CACNA1C: variants seen among roughly 807,000 people sequenced by gnomAD.
CACNA1C encodes the protein voltage-dependent L-type calcium channel subunit alpha-1C.
A neutral mutation model predicts 229.0 loss-of-function variants in CACNA1C; 30 were observed. That is an observed-to-expected ratio of 0.13 (90% confidence interval 0.10 to 0.18). The LOEUF is 0.18. CACNA1C is among the 10% of genes least tolerant of loss of function. The pLI is 1.00. For missense variants in CACNA1C, 1,658 were observed against 2,845.0 expected (o/e 0.58, Z 9.49); for synonymous variants, 1,114 against 1,132.5 (o/e 0.98, Z 0.33).
intron 26 of CACNA1C, 34 bp downstream of exon 26, chr12:2,607,164 A>T (rs774874388): frequency 6.3e-7 from 1 of 1,589,772 alleles, no homozygotes; most frequent in East Asian, 2.3e-5. Flanking sequence ...ACGAGCCCTG[A>T]CATTCAAGGG....
chr12:2,530,611 C>T (rs1383656928), intron 9 of CACNA1C, among the ~76,000 whole-genome samples: 2 of 152,194 alleles, frequency 1.3e-5, no homozygotes, highest in South Asian at 2.1e-4. Flanking sequence ...AGAACACAAT[C>T]TCTGGCAGGG....
At chr12:2,417,538 C>T (rs534246769) in intron 3 of CACNA1C, among the ~76,000 whole-genome samples, 1 of 152,258 alleles carries the variant, frequency 6.6e-6, no homozygotes, top group African/African-American at 2.4e-5. Context: ...TCTGGCCTGT[C>T]GGATCAAGGG....
intron 5 of CACNA1C, among the ~76,000 whole-genome samples, chr12:2,475,923 G>A (rs1200287552): frequency 2.6e-5 from 4 of 152,148 alleles, no homozygotes; most frequent in Non-Finnish European, 2.9e-5. Context: ...ATAGTTGCAT[G>A]GCTGTTTGTT....
chr12:2,153,800 A>G (rs1047122907), intron 3 of CACNA1C, among the ~76,000 whole-genome samples: 2 of 152,118 alleles, frequency 1.3e-5, no homozygotes, highest in Non-Finnish European at 1.5e-5. Context: ...TGCCTTGTCT[A>G]TTTGGAGCAC....
At chr12:2,505,053 G>A in intron 8 of CACNA1C, 108 bp downstream of exon 8, 1 of 684,158 alleles carries the variant, frequency 1.5e-6, no homozygotes, top group Admixed American at 2.3e-5. Flanking sequence ...CCTGGGATAA[G>A]GGGTCACCAC....
chr12:2,438,508 G>A (rs920911080), intron 3 of CACNA1C, among the ~76,000 whole-genome samples: 1 of 152,108 alleles, frequency 6.6e-6, no homozygotes, highest in African/African-American at 2.4e-5. Flanking sequence ...TGGAGGAGTA[G>A]GAGTTCTTGG....
At chr12:2,115,596 T>C (rs1392705563) in intron 2 of CACNA1C, 51 bp downstream of exon 2, 5 of 1,576,636 alleles carry the variant, frequency 3.2e-6, no homozygotes, top group Non-Finnish European at 4.3e-6. Flanking sequence ...GCACGCTGGG[T>C]CCAGCCCTCC....
At chr12:2,511,561 C>T (rs2099783932) in intron 8 of CACNA1C, among the ~76,000 whole-genome samples, 1 of 148,094 alleles carries the variant, frequency 6.8e-6, no homozygotes, top group African/African-American at 2.5e-5. Context: ...ACCAAGATGT[C>T]CTATGCATGT....
intron 1 of CACNA1C, 113 bp from the exon 2 acceptor site, chr12:2,115,111 C>A: frequency 1.2e-6 from 1 of 816,980 alleles, no homozygotes; most frequent in Non-Finnish European, 1.9e-6. Flanking sequence ...TAACCGCCTG[C>A]AATAGCTTGA....
intron 9 of CACNA1C, among the ~76,000 whole-genome samples, chr12:2,517,636 A>C (rs1199874125): frequency 6.6e-6 from 1 of 152,082 alleles, no homozygotes; most frequent in Non-Finnish European, 1.5e-5. Flanking sequence ...AGGTCTCCCC[A>C]CTCTAGTGAC....
rs564990323 is a variant in CACNA1C, at chr12:2,420,102, G to GGTGTGTGTGTGTGTGTGTGT, written c.478-28847_478-28828dup. On this transcript the variant is annotated intron_variant, in intron 3 of 46. Coordinates refer to ENST00000399655, the MANE Select transcript of CACNA1C (RefSeq NM_000719.7). Reference sequence around the variant, plus strand: ...CAGGGTAATCAGACTTAGGCAAAATGGTGTGTGTGTGTGTGTGTGTGTGTG... The same window carrying GGTGTGTGTGTGTGTGTGTGT: ...CAGGGTAATCAGACTTAGGCAAAATGGTGTGTGTGTGTGTGTGTGTGTGTGTGTGTGTGTGTGTGTGTGTG... Among the ~76,000 whole-genome samples the GGTGTGTGTGTGTGTGTGTGT allele has an allele frequency of 8.9e-3, 1,121 of 125,454 alleles. 46 individuals are homozygous for GGTGTGTGTGTGTGTGTGTGT. Among genetic ancestry groups the GGTGTGTGTGTGTGTGTGTGT allele is most frequent in the African/African-American group, 0.025 (711 of 28,570 alleles). The allele number at this position is 125,454 out of a possible 152,430, so 82.3% of individuals were successfully genotyped here.
chr12:2,071,533 CT>C, intron 1 of CACNA1C, among the ~76,000 whole-genome samples: 1 of 152,146 alleles, frequency 6.6e-6, no homozygotes, highest in African/African-American at 2.4e-5. Context: ...GCCTCACGAT[CT>C]TTTCAAATAT....
Position 2,317,539 on chromosome 12 carries a change from T to C in CACNA1C, c.478-131437T>C, listed in dbSNP as rs185852798. On this transcript the variant is annotated intron_variant, in intron 3 of 46. Transcript: ENST00000399655. ...ATTGAAGGAGTACAGAGTTTCAGTT[T>C]TGCAAGATGAAAAGCCTTCTGGAGA... Among the ~76,000 whole-genome samples, 55 of 152,298 alleles carry C rather than the reference T, an allele frequency of 3.6e-4. 2 individuals are homozygous for C. The highest frequency in any genetic ancestry group is 3.1e-3 in the Admixed American group (47 of 15,302).
chr12:2,486,455 A>G lies in CACNA1C; in HGVS notation c.916+193A>G, dbSNP rs1006251201. 6.6e-6 allele frequency among the ~76,000 whole-genome samples: 1 copy of G among 152,058 alleles called. No individual in the cohort carries two copies. Among genetic ancestry groups the G allele is most frequent in the African/African-American group, 2.4e-5 (1 of 41,394 alleles). ...TTTCTCAGTTCCAATTTTTGTTTTA[A>G]TCTCTGTTAAACCGGCCTAACGCAA... On this transcript the variant is annotated intron_variant, in intron 6 of 46. Coordinates refer to ENST00000399655, the MANE Select transcript of CACNA1C (RefSeq NM_000719.7). This position sits in a 1 kb window ranked among gnomAD's most constrained non-coding sequence, Gnocchi z 4.9.
intron 1 of CACNA1C, among the ~76,000 whole-genome samples, chr12:1,987,386 T>A (rs1478837863): frequency 6.6e-6 from 1 of 152,198 alleles, no homozygotes; most frequent in East Asian, 1.9e-4. Flanking sequence ...TTATGTTTTT[T>A]ATGAGAGAAT....
chr12:2,161,567 T>C (rs2095856928), intron 3 of CACNA1C, among the ~76,000 whole-genome samples: 1 of 152,146 alleles, frequency 6.6e-6, no homozygotes, highest in Non-Finnish European at 1.5e-5. Flanking sequence ...GGCAAACGAA[T>C]CTAGAGGGAA....
rs761764427 is a variant in CACNA1C at position 2,585,227 on chromosome 12, G to A, written c.2340-149G>A. 297 of 673,936 alleles carry A rather than the reference G, an allele frequency of 4.4e-4. 4 individuals are homozygous for A. The highest frequency in any genetic ancestry group is 4.3e-4 in the Non-Finnish European group (186 of 433,588). The allele number at this position is 673,936 out of a possible 1,614,324, so 41.7% of individuals were successfully genotyped here. The stretch of plus-strand genomic sequence containing the variant: ...TAGCACTTGTGACTGAGCTGCACAC[G>A]AGAAGCGTCCTGGAGAAAGGAAGAT... On this transcript the variant is annotated intron_variant, in intron 16 of 46. Coordinates refer to ENST00000399655, the MANE Select transcript of CACNA1C (RefSeq NM_000719.7). The surrounding 1 kb of genome is among the most constrained non-coding windows in gnomAD (Gnocchi z 4.1).
chr12:2,633,590 C>A lies in CACNA1C; in HGVS notation c.3829-707C>A. On this transcript the variant is annotated intron_variant, in intron 29 of 46. Coordinates refer to ENST00000399655, the MANE Select transcript of CACNA1C (RefSeq NM_000719.7). This position sits in a 1 kb window ranked among gnomAD's most constrained non-coding sequence, Gnocchi z 5.8. Reference sequence around the variant, plus strand: ...GCTCTGTTCTTGTCTGTCTAATATTCCTTTTTAATCCCCATCCTGCCTGCC... The same window carrying A: ...GCTCTGTTCTTGTCTGTCTAATATTACTTTTTAATCCCCATCCTGCCTGCC... 2 of 1,124,174 alleles carry A rather than the reference C, an allele frequency of 1.8e-6. No homozygotes were observed. The highest frequency in any genetic ancestry group is 2.7e-6 in the Non-Finnish European group (2 of 732,700). 69.6% of individuals were successfully genotyped at this position (1,124,174 alleles called of 1,614,324 possible). A position where few individuals can be genotyped will look rare whatever the true frequency, so the allele number is the denominator to read the frequency against.
chr12:2,123,237 G>A (rs1359489863), intron 3 of CACNA1C, among the ~76,000 whole-genome samples: 1 of 152,024 alleles, frequency 6.6e-6, no homozygotes, highest in Admixed American at 6.6e-5. Flanking sequence ...TTAGCCAGGC[G>A]TGGTGGCGGG....
Sources: gnomAD v4.1 joint callset for allele counts (sites outside exome capture counted in the v4.1 genomes callset) on GRCh38, gnomAD v4.1.1 for gene constraint, Gnocchi (gnomAD v3.1) non-coding constraint, MANE v1.5 for transcripts, NCBI Gene and HGNC (gene_info 2026-07-23, HGNC 2026-07-21) for gene names.